The following CCDC144A variants were observed in gnomAD, a reference collection of about 807,000 sequenced individuals.
CCDC144A encodes coiled-coil domain-containing protein 144A.
CCDC144A carries 41 observed loss-of-function variants against 143.8 expected under a neutral mutation model. The ratio of observed to expected loss-of-function variants is 0.29; its 90% CI spans 0.22 to 0.37. CCDC144A has a LOEUF of 0.37. CCDC144A is among the 10% of genes least tolerant of loss of function. CCDC144A has a pLI of 1.00. For missense variants in CCDC144A, 637 were observed against 1,488.8 expected, an observed-to-expected ratio of 0.43 and a Z score of 9.41; for synonymous variants, 242 against 517.9, an observed-to-expected ratio of 0.47 and a Z score of 7.23.
At chr17:16,769,888 C>T (rs1250213455) in intron 15 of CCDC144A, among the ~76,000 whole-genome samples, 10 of 152,094 alleles carry the variant, frequency 6.6e-5, no homozygotes, top group South Asian at 2.1e-4. Flanking sequence ...AGAGCAGTGG[C>T]GTGATCTCTG....
intron 8 of CCDC144A, among the ~76,000 whole-genome samples, chr17:16,721,158 T>C (rs1260627345): frequency 2.0e-5 from 3 of 152,186 alleles, no homozygotes; most frequent in South Asian, 2.1e-4. Flanking sequence ...TGTCCCACTC[T>C]GTGTCTTATA....
At chr17:16,734,133 C>T (rs934284816) in intron 11 of CCDC144A, among the ~76,000 whole-genome samples, 15 of 139,116 alleles carry the variant, frequency 1.1e-4, no homozygotes, top group African/African-American at 4.3e-4. Context: ...GAGTGGAGAC[C>T]CTATCTCGAA....
intron 4 of CCDC144A, chr17:16,708,577 A>T (rs985736040): frequency 1.0e-5 from 6 of 600,590 alleles, no homozygotes; most frequent in African/African-American, 3.8e-5. Context: ...AGCTAAGACA[A>T]TTTTTTTTTA....
At chr17:16,704,532 T>C (rs1010527083) in intron 2 of CCDC144A, among the ~76,000 whole-genome samples, 5 of 151,846 alleles carry the variant, frequency 3.3e-5, no homozygotes, top group Non-Finnish European at 5.9e-5. Context: ...TGTTATGTAT[T>C]CCTTTCCTGT....
chr17:16,689,278 G>A (rs1293200055), upstream of CCDC144A, among the ~76,000 whole-genome samples: 2 of 151,764 alleles, frequency 1.3e-5, no homozygotes, highest in South Asian at 2.1e-4. Flanking sequence ...TCACTGCAAC[G>A]TTCACCTCCC....
chr17:16,692,126 TC>T (rs1911124635), intron 1 of CCDC144A, among the ~76,000 whole-genome samples: 1 of 152,206 alleles, frequency 6.6e-6, no homozygotes, highest in South Asian at 2.1e-4. Context: ...TGCATGTCTT[TC>T]ATGGAACTGA....
chr17:16,747,917 T>G (rs1017752058), intron 12 of CCDC144A, among the ~76,000 whole-genome samples: 1 of 152,214 alleles, frequency 6.6e-6, no homozygotes, highest in African/African-American at 2.4e-5. Context: ...TCTTTCTTTC[T>G]TTTTCCTGAT....
intron 1 of CCDC144A, among the ~76,000 whole-genome samples, chr17:16,691,217 C>T (rs1377535847): frequency 2.0e-5 from 3 of 152,122 alleles, no homozygotes; most frequent in Non-Finnish European, 4.4e-5. Flanking sequence ...TAGCTAAGAC[C>T]TTCATGATAA....
At chr17:16,736,883 A>G (rs974355817) in intron 12 of CCDC144A, among the ~76,000 whole-genome samples, 10 of 152,104 alleles carry the variant, frequency 6.6e-5, no homozygotes, top group East Asian at 3.9e-4. Context: ...CAGGGAAAAC[A>G]TTTTACCAGT....
chr17:16,670,807 C>A, the CCDC144A span, among the ~76,000 whole-genome samples: 1 of 151,970 alleles, frequency 6.6e-6, no homozygotes, highest in African/African-American at 2.4e-5. Flanking sequence ...CCATCCCCCG[C>A]CCTCTATAAT....
At chr17:16,676,641 T>C in the CCDC144A span, among the ~76,000 whole-genome samples, 1 of 152,116 alleles carries the variant, frequency 6.6e-6, no homozygotes, top group Admixed American at 6.5e-5. Flanking sequence ...CTTTCTCTTC[T>C]TACCAGACAA....
At chr17:16,769,089 C>T (rs1234897690) in intron 15 of CCDC144A, among the ~76,000 whole-genome samples, 1 of 152,026 alleles carries the variant, frequency 6.6e-6, no homozygotes, top group Non-Finnish European at 1.5e-5. Context: ...AGATTAGGCA[C>T]TAATCCACAG....
intron 12 of CCDC144A, chr17:16,746,825 C>T: frequency 8.5e-7 from 1 of 1,170,892 alleles, no homozygotes; most frequent in East Asian, 2.5e-5. Flanking sequence ...AAAGGCACCG[C>T]GTACCGCGCT....
the CCDC144A span, among the ~76,000 whole-genome samples, chr17:16,681,855 G>A: frequency 2.0e-5 from 3 of 148,158 alleles, no homozygotes; most frequent in Admixed American, 1.3e-4. Flanking sequence ...ACCAAACTCC[G>A]TCTCAAAAAA....
At chr17:16,676,237 T>A in the CCDC144A span, among the ~76,000 whole-genome samples, 580 of 152,082 alleles carry the variant, frequency 3.8e-3, 6 homozygotes, top group African/African-American at 0.013. Flanking sequence ...TCAGGCTGGG[T>A]GCGGTGGCTC....
At chr17:16,690,943 T>C (rs1911028569) in intron 1 of CCDC144A, among the ~76,000 whole-genome samples, 199 bp downstream of exon 1, 1 of 152,250 alleles carries the variant, frequency 6.6e-6, no homozygotes. Context: ...TTAAAAATAT[T>C]GCACTTCCCA....
intron 12 of CCDC144A, among the ~76,000 whole-genome samples, chr17:16,752,485 G>A (rs1057213942): frequency 6.6e-6 from 1 of 151,092 alleles, no homozygotes; most frequent in African/African-American, 2.4e-5. Context: ...CTCTTCTTGA[G>A]CTCAGGCCAC....
intron 6 of CCDC144A, among the ~76,000 whole-genome samples, chr17:16,716,173 C>CT (rs965753449): frequency 2.6e-5 from 4 of 151,974 alleles, no homozygotes; most frequent in Admixed American, 1.3e-4. Flanking sequence ...AGGAAGATCT[C>CT]TTTTTTTGAT....
chr17:16,745,739 C>T, intron 12 of CCDC144A: 5 of 1,614,038 alleles, frequency 3.1e-6, no homozygotes, highest in Non-Finnish European at 4.2e-6. Context: ...CTGGATCATA[C>T]AGCTGCAAGG....
Sources: gnomAD v4.1 joint callset for allele counts (sites outside exome capture counted in the v4.1 genomes callset) on GRCh38, gnomAD v4.1.1 for gene constraint, MANE v1.5 for transcripts, NCBI Gene and HGNC (gene_info 2026-07-23, HGNC 2026-07-21) for gene names.